The following MGLL variants were observed in gnomAD, a reference collection of about 807,000 sequenced individuals.
MGLL encodes the protein lysophospholipase homolog.
A neutral mutation model predicts 29.1 loss-of-function variants in MGLL; 7 were observed. That is an observed-to-expected ratio of 0.24 (90% CI 0.14 to 0.45). MGLL has a LOEUF of 0.45. Among genes scored for constraint, MGLL ranks in the 20% least tolerant of loss-of-function variants. The probability of loss-of-function intolerance (pLI) is 0.99; values close to 1 mark genes in which losing one functional copy is unlikely to be tolerated. For synonymous variants in MGLL, 148 were observed against 168.3 expected (o/e 0.88, Z 0.93); for missense variants, 356 against 413.6 (o/e 0.86, Z 1.21).
chr3:127,727,855 T>C (rs2076077035), intron 3 of MGLL, among the ~76,000 whole-genome samples: 1 of 152,226 alleles, frequency 6.6e-6, no homozygotes, highest in African/African-American at 2.4e-5. Flanking sequence ...TAGCATAGCG[T>C]CAAAATTACA....
At chr3:127,755,401 C>T (rs1177902556) in intron 3 of MGLL, among the ~76,000 whole-genome samples, 1 of 152,216 alleles carries the variant, frequency 6.6e-6, no homozygotes, top group Non-Finnish European at 1.5e-5. Flanking sequence ...CAGCTCCTTC[C>T]CTTACCCAGC....
chr3:127,695,621 G>A (rs1307968213), intron 6 of MGLL, among the ~76,000 whole-genome samples: 1 of 152,300 alleles, frequency 6.6e-6, no homozygotes, highest in East Asian at 1.9e-4. Flanking sequence ...GTGGGCACCT[G>A]TAATCCCAGC....
chr3:127,707,651 G>C (rs57165286), intron 6 of MGLL, among the ~76,000 whole-genome samples: 2,412 of 152,316 alleles, frequency 0.016, 62 homozygotes, highest in African/African-American at 0.055. Flanking sequence ...ACAAATGCTG[G>C]TAATAAGACT....
At chr3:127,744,404 C>T (rs1023812186) in intron 3 of MGLL, among the ~76,000 whole-genome samples, 2 of 152,174 alleles carry the variant, frequency 1.3e-5, no homozygotes, top group Admixed American at 6.5e-5. Context: ...GTGGGGTTAG[C>T]GATCACATTG....
At chr3:127,749,742 T>TCA (rs1188575474) in intron 3 of MGLL, among the ~76,000 whole-genome samples, 4 of 152,000 alleles carry the variant, frequency 2.6e-5, no homozygotes, top group Non-Finnish European at 5.9e-5. Context: ...CTAAAGCGAG[T>TCA]CTGACCACTG....
intron 3 of MGLL, among the ~76,000 whole-genome samples, chr3:127,770,991 G>T (rs1283778729): frequency 1.3e-5 from 2 of 152,130 alleles, no homozygotes; most frequent in Non-Finnish European, 2.9e-5. Flanking sequence ...AGGTGCCCAG[G>T]GTCACAAGGA....
At chr3:127,730,841 C>T (rs978443290) in intron 3 of MGLL, among the ~76,000 whole-genome samples, 10 of 152,258 alleles carry the variant, frequency 6.6e-5, no homozygotes, top group African/African-American at 2.4e-4. Context: ...GCAAAACAGT[C>T]CTGAGTGAAC....
At chr3:127,750,733 C>T (rs1233136330) in intron 3 of MGLL, among the ~76,000 whole-genome samples, 1 of 152,060 alleles carries the variant, frequency 6.6e-6, no homozygotes, top group African/African-American at 2.4e-5. Context: ...TTTGGGTTTT[C>T]CAAGATTTCT....
chr3:127,780,391 A>G (rs1207421151), intron 3 of MGLL, among the ~76,000 whole-genome samples: 1 of 151,640 alleles, frequency 6.6e-6, no homozygotes, highest in African/African-American at 2.4e-5. Context: ...ATGCAATAGG[A>G]AAAAAAAATT....
intron 3 of MGLL, among the ~76,000 whole-genome samples, chr3:127,770,641 G>C (rs1428191056): frequency 1.3e-5 from 2 of 152,186 alleles, no homozygotes; most frequent in African/African-American, 4.8e-5. Context: ...CATAGAGGGA[G>C]TCCCGTAAAT....
intron 5 of MGLL, chr3:127,711,985 G>T (rs1356419170): frequency 6.6e-6 from 1 of 152,298 alleles, no homozygotes; most frequent in Non-Finnish European, 1.5e-5. Flanking sequence ...GCCTCCCAAG[G>T]TGCTGGGATT....
At chr3:127,741,646 A>T (rs953152536) in intron 3 of MGLL, among the ~76,000 whole-genome samples, 6 of 152,192 alleles carry the variant, frequency 3.9e-5, no homozygotes, top group Non-Finnish European at 8.8e-5. Flanking sequence ...CTCAGTCAAC[A>T]TCCCCTTGTC....
At chr3:127,732,535 C>A (rs902299645) in intron 3 of MGLL, among the ~76,000 whole-genome samples, 1 of 152,052 alleles carries the variant, frequency 6.6e-6, no homozygotes, top group South Asian at 2.1e-4. Context: ...AAAGAACCCG[C>A]TGTGTGAAAA....
intron 3 of MGLL, among the ~76,000 whole-genome samples, chr3:127,723,553 C>T (rs1208450199): frequency 6.6e-6 from 1 of 151,918 alleles, no homozygotes; most frequent in African/African-American, 2.4e-5. Context: ...CCTTCCCAGT[C>T]GCCCCCCCAC....
At chr3:127,772,167 C>T (rs2076959842) in intron 3 of MGLL, among the ~76,000 whole-genome samples, 1 of 149,432 alleles carries the variant, frequency 6.7e-6, no homozygotes, top group African/African-American at 2.5e-5. Flanking sequence ...GCCTTACCAG[C>T]CCTGCTTTTT....
At chr3:127,801,061 G>A (rs1471293187) in intron 2 of MGLL, among the ~76,000 whole-genome samples, 1 of 148,732 alleles carries the variant, frequency 6.7e-6, no homozygotes. Context: ...CAGCACTTTG[G>A]GAGGCCAAGG....
At chr3:127,741,865 T>A (rs999408935) in intron 3 of MGLL, among the ~76,000 whole-genome samples, 2 of 152,368 alleles carry the variant, frequency 1.3e-5, no homozygotes, top group East Asian at 3.8e-4. Flanking sequence ...ATATACATAA[T>A]CTGTGATTTT....
At chr3:127,758,876 G>A (rs1359831955) in intron 3 of MGLL, among the ~76,000 whole-genome samples, 4 of 151,874 alleles carry the variant, frequency 2.6e-5, no homozygotes, top group African/African-American at 7.3e-5. Context: ...ATATTCTGGG[G>A]GCTCCTGGCA....
chr3:127,756,393 C>T (rs2079738917), intron 3 of MGLL, among the ~76,000 whole-genome samples: 1 of 152,110 alleles, frequency 6.6e-6, no homozygotes, highest in Non-Finnish European at 1.5e-5. Flanking sequence ...CCACTCCAGG[C>T]CAATATTTCT....
Sources: allele counts gnomAD v4.1 joint callset (sites outside exome capture counted in the v4.1 genomes callset), GRCh38; gene constraint gnomAD v4.1.1; transcripts MANE v1.5; gene names NCBI Gene and HGNC (gene_info 2026-07-23, HGNC 2026-07-21).